The following HIVEP3 variants were observed in gnomAD, a reference collection of about 807,000 sequenced individuals.
The protein encoded by HIVEP3 is transcription factor HIVEP3.
In HIVEP3, 49 loss-of-function variants were observed where a neutral mutation model predicts 152.8. The ratio of observed to expected loss-of-function variants is 0.32; its 90% confidence interval spans 0.26 to 0.41. The LOEUF (loss-of-function observed/expected upper bound fraction) is 0.41, where lower values mean the gene tolerates loss of function less well. HIVEP3 is among the 10% of genes least tolerant of loss of function. The pLI is 1.00. For missense variants in HIVEP3, 2,790 were observed against 3,103.3 expected (o/e 0.90, Z 2.40); for synonymous variants, 1,269 against 1,289.0 (o/e 0.98, Z 0.33).
At chr1:41,888,196 CGGCT>C (rs1242118478) in intron 1 of HIVEP3, among the ~76,000 whole-genome samples, 1 of 145,142 alleles carries the variant, frequency 6.9e-6, no homozygotes, top group Non-Finnish European at 1.5e-5. Context: ...CCACCACGCC[CGGCT>C]AATTTTTTTT....
intron 1 of HIVEP3, among the ~76,000 whole-genome samples, chr1:41,870,342 C>T (rs887835389): frequency 2.0e-5 from 3 of 152,146 alleles, no homozygotes; most frequent in Non-Finnish European, 2.9e-5. Flanking sequence ...GAGTCACATT[C>T]GACTTATCAC....
Position 41,580,612 on chromosome 1 carries a change from G to A in HIVEP3, c.4186C>T (p.Leu1396=). ...TCAGGTAATGTCACAGGCACTCTCA[G>A]GTATGGAGTTGGGAAAGCTCTGCTT... The part of the protein sequence containing the change: ...EQSRAFPTPY[L]RVPVTLPERK... Residue 1396 remains leucine, a synonymous_variant, in exon 4 of 9, where the codon CTG becomes TTG. Transcript: ENST00000372583. The A allele has an allele frequency of 1.9e-6, 3 of 1,614,180 alleles. No homozygotes were observed. The highest frequency in any genetic ancestry group is 2.5e-6 in the Non-Finnish European group (3 of 1,180,046).
chr1:41,666,834 C>T lies in HIVEP3; in HGVS notation c.-721+34082G>A, dbSNP rs116284402. Among the ~76,000 whole-genome samples the T allele has an allele frequency of 5.0e-3, 755 of 152,322 alleles. 6 individuals are homozygous for T. Among genetic ancestry groups the T allele is most frequent in the African/African-American group, 0.017 (714 of 41,568 alleles). ...CCACCCGGTCTATTAGGGCCTTTAACAACAGAGCCTCAGTTTACCAGTCCA... is the reference window on the plus strand; with the variant it reads ...CCACCCGGTCTATTAGGGCCTTTAATAACAGAGCCTCAGTTTACCAGTCCA... On this transcript the variant is annotated intron_variant, in intron 2 of 8. Transcript: ENST00000372583.
intron 2 of HIVEP3, among the ~76,000 whole-genome samples, chr1:41,671,604 C>T (rs1368952693): frequency 6.6e-6 from 1 of 152,244 alleles, no homozygotes. Context: ...CCCACTCTGC[C>T]TTCTCAGAAA....
chr1:41,540,807 T>G (rs1643511534), intron 5 of HIVEP3, among the ~76,000 whole-genome samples: 1 of 152,010 alleles, frequency 6.6e-6, no homozygotes, highest in South Asian at 2.1e-4. Flanking sequence ...GCCTGAATGG[T>G]AGTGAGCTCC....
At position 41,583,197 on chromosome 1, in the gene HIVEP3, G is replaced by C. The variant is rs151333512; in HGVS notation, c.1601C>G (p.Pro534Arg). The C allele has an allele frequency of 1.2e-6, 2 of 1,609,086 alleles. No homozygotes were observed. The highest frequency in any genetic ancestry group is 2.2e-5 in the South Asian group (2 of 90,764). ...TGAGTGGCTTCTCAGGAGAGGCACA[G>C]GGGGGGCGGTACTGGGCGGGTGCTG... The part of the protein sequence containing the change: ...SLQHPPSTAP[P>R]VPLLRSHSMP... Residue 534 changes from proline (P) to arginine (R), a missense_variant, in exon 4 of 9, where the codon CCT becomes CGT. Transcript: ENST00000372583. This position sits in a 1 kb window ranked among gnomAD's most constrained non-coding sequence, Gnocchi z 6.9.
At chr1:41,616,120 T>C (rs11801071) in intron 3 of HIVEP3, among the ~76,000 whole-genome samples, 1 of 151,918 alleles carries the variant, frequency 6.6e-6, no homozygotes, top group Admixed American at 6.6e-5. Flanking sequence ...TGACATGTGG[T>C]GGGTGGATCT....
chr1:41,714,969 T>C (rs1022695933), intron 1 of HIVEP3, among the ~76,000 whole-genome samples: 1 of 152,130 alleles, frequency 6.6e-6, no homozygotes. Context: ...CCCAGCGACA[T>C]GTCCAAGGTG....
chr1:41,827,009 A>T (rs1031352969), intron 1 of HIVEP3, among the ~76,000 whole-genome samples: 1 of 152,164 alleles, frequency 6.6e-6, no homozygotes, highest in Non-Finnish European at 1.5e-5. Context: ...TCATCTGCTT[A>T]ACTCTAAAGT....
intron 1 of HIVEP3, among the ~76,000 whole-genome samples, chr1:41,703,102 T>C (rs1367273498): frequency 6.6e-6 from 1 of 152,166 alleles, no homozygotes; most frequent in Non-Finnish European, 1.5e-5. Context: ...TTACTGACAA[T>C]CCATTCTGTA....
At chr1:41,545,616 AC>A (rs1643766807) in intron 5 of HIVEP3, among the ~76,000 whole-genome samples, 1 of 132,624 alleles carries the variant, frequency 7.5e-6, no homozygotes, top group Non-Finnish European at 1.6e-5. Flanking sequence ...CATCACCACC[AC>A]TACCATCACC....
At chr1:41,888,303 T>C (rs1024873402) in intron 1 of HIVEP3, among the ~76,000 whole-genome samples, 4 of 149,258 alleles carry the variant, frequency 2.7e-5, no homozygotes, top group Non-Finnish European at 4.5e-5. Flanking sequence ...CTGCCCACCT[T>C]GGCCTCCCAA....
chr1:41,823,204 C>T (rs1025681360), intron 1 of HIVEP3, among the ~76,000 whole-genome samples: 1 of 152,184 alleles, frequency 6.6e-6, no homozygotes, highest in African/African-American at 2.4e-5. Context: ...CATGCCAGCG[C>T]CTTGGTCTTG....
intron 5 of HIVEP3, 65 bp downstream of exon 5, chr1:41,575,479 A>G: frequency 6.4e-7 from 1 of 1,556,202 alleles, no homozygotes; most frequent in Non-Finnish European, 8.8e-7. Flanking sequence ...GCTGCCCGTG[A>G]ACACCAATGG....
At position 41,659,829 on chromosome 1, in the gene HIVEP3, G is replaced by C. The variant is rs544622060; in HGVS notation, c.-720-30882C>G. Among the ~76,000 whole-genome samples, 56 of 152,346 alleles carry C rather than the reference G, an allele frequency of 3.7e-4. No individual in the cohort carries two copies. The South Asian group carries it at 0.011, about 30-fold the overall frequency. On this transcript the variant is annotated intron_variant, in intron 2 of 8. Transcript: ENST00000372583. ...CCTGCAAAGCACTCCCACATGCTCA[G>C]TACTCATCTTGGGGAGCTAGTGCCA...
Position 41,736,714 on chromosome 1 carries a change from T to A in HIVEP3, c.-800-35719A>T, listed in dbSNP as rs529555741. Among the ~76,000 whole-genome samples, 121 of 152,322 alleles carry A rather than the reference T, an allele frequency of 7.9e-4. No homozygotes were observed. In the Middle Eastern group the frequency reaches 0.014, roughly 17 times the overall value. ...ACTGCCTTCCAGACTCTGTACTGGA[T>A]GCCTGGGGATTAAGGCACAAGGATG... On this transcript the variant is annotated intron_variant, in intron 1 of 8. Transcript: ENST00000372583.
At chr1:41,741,589 A>G (rs1398421265) in intron 1 of HIVEP3, among the ~76,000 whole-genome samples, 1 of 152,218 alleles carries the variant, frequency 6.6e-6, no homozygotes, top group East Asian at 1.9e-4. Flanking sequence ...GCCCTGTGTT[A>G]CACAGAGAGG....
intron 1 of HIVEP3, among the ~76,000 whole-genome samples, chr1:41,998,887 CTCTTT>C (rs1274878531): frequency 0.011 from 848 of 77,102 alleles, 1 homozygote; most frequent in African/African-American, 0.043. Flanking sequence ...TTTTCTCTCT[CTCTTT>C]TTTTTTTTTT....
At chr1:41,748,763 A>G (rs1647110645) in intron 1 of HIVEP3, among the ~76,000 whole-genome samples, 1 of 152,170 alleles carries the variant, frequency 6.6e-6, no homozygotes, top group Non-Finnish European at 1.5e-5. Context: ...AGACACAGAT[A>G]TTGGTCAGAA....
Sources: gnomAD v4.1 joint callset for allele counts (sites outside exome capture counted in the v4.1 genomes callset) on GRCh38, gnomAD v4.1.1 for gene constraint, Gnocchi (gnomAD v3.1) non-coding constraint, MANE v1.5 for transcripts, NCBI Gene and HGNC (gene_info 2026-07-23, HGNC 2026-07-21) for gene names.